The following CKAP2 variants were observed in gnomAD, a reference collection of about 807,000 sequenced individuals.
CKAP2 encodes the protein cytoskeleton-associated protein 2.
Under a neutral mutation model 58.4 loss-of-function variants are expected in CKAP2, and 46 were observed. The ratio of observed to expected loss-of-function variants is 0.79; its 90% CI spans 0.62 to 1.01. The LOEUF is 1.01. Among genes scored for constraint, CKAP2 ranks in the 50% least tolerant of loss-of-function variants. The pLI is 0.00. For missense variants in CKAP2, 809 were observed against 796.4 expected, an observed-to-expected ratio of 1.02 and a Z score of -0.19; for synonymous variants, 293 against 280.9, an observed-to-expected ratio of 1.04 and a Z score of -0.43.
At chr13:52,466,026 C>T (rs908719105) in intron 6 of CKAP2, among the ~76,000 whole-genome samples, 2 of 150,750 alleles carry the variant, frequency 1.3e-5, no homozygotes, top group African/African-American at 2.5e-5. Flanking sequence ...CATATATACA[C>T]ATATACACAT....
At chr13:52,467,787 C>T (rs1958701939) in intron 6 of CKAP2, among the ~76,000 whole-genome samples, 3 of 151,236 alleles carry the variant, frequency 2.0e-5, no homozygotes, top group African/African-American at 2.4e-5. Context: ...AGCCATTTTT[C>T]GTTTTTGGTT....
At chr13:52,459,423 A>G (rs1958536452) in intron 2 of CKAP2, among the ~76,000 whole-genome samples, 1 of 152,054 alleles carries the variant, frequency 6.6e-6, no homozygotes, top group Non-Finnish European at 1.5e-5. Flanking sequence ...CGTGGGTTCA[A>G]GCGATTCTCC....
At chr13:52,465,705 G>T (rs948367176) in intron 6 of CKAP2, 7 of 599,474 alleles carry the variant, frequency 1.2e-5, no homozygotes, top group Non-Finnish European at 1.9e-5. Flanking sequence ...TATATTTAAT[G>T]AAACTTTCTG....
At chr13:52,455,928 C>A in intron 1 of CKAP2, 1 of 1,159,196 alleles carries the variant, frequency 8.6e-7, no homozygotes, top group Non-Finnish European at 1.1e-6. Flanking sequence ...GTCGGAGACC[C>A]TGGGTCCGCT....
intron 2 of CKAP2, among the ~76,000 whole-genome samples, chr13:52,457,769 G>T (rs983173657): frequency 6.6e-6 from 1 of 152,056 alleles, no homozygotes; most frequent in Non-Finnish European, 1.5e-5. Flanking sequence ...CAGGAGAATC[G>T]CTTGAACCTG....
rs774165256 is a variant in CKAP2, at chr13:52,468,289, G to A, written c.1488G>A (p.Glu496=). Residue 496 remains glutamate, a synonymous_variant, in exon 7 of 9, where the codon GAG becomes GAA. Transcript: ENST00000258607. ...TTAAAAAAATTAAGCCTATTGAAGA[G>A]ATGCGACACACGATTGTAGATATTC... ...AILAGAQPIE[E]MRHTIVDILT... The A allele has an allele frequency of 6.3e-6, 10 of 1,595,598 alleles. No individual in the cohort carries two copies. In the Admixed American group the frequency reaches 1.7e-4, roughly 28 times the overall value.
Position 52,461,239 on chromosome 13 carries a change from G to A in CKAP2, c.413G>A (p.Ser138Asn). ...HLLLTEDDPQ[S>N]QHMTLSQAFH... is the part of the protein sequence containing the mutation. ...TTACTAACTGAAGATGATCCCCAAA[G>A]TCAACATATGACATTAAGCCAGGCA... The change falls in exon 4 of 9, where the codon AGT becomes AAT. Residue 138 changes from serine (S) to asparagine (N), a missense_variant. This residue lies in a region of CKAP2 where 523 missense variants were observed against 492.4 expected (regional missense o/e 1.06). Transcript: ENST00000258607. 6.2e-7 allele frequency: 1 copy of A among 1,613,752 alleles called. No individual in the cohort carries two copies. Among genetic ancestry groups the A allele is most frequent in the Admixed American group, 1.7e-5 (1 of 59,956 alleles).
At chr13:52,464,379 T>G (rs577504194) in intron 5 of CKAP2, among the ~76,000 whole-genome samples, 1 of 151,964 alleles carries the variant, frequency 6.6e-6, no homozygotes, top group South Asian at 2.1e-4. Context: ...ATGGTAAAAC[T>G]CTGTCTCTAC....
At chr13:52,472,680 A>G (rs1958776408) in intron 7 of CKAP2, among the ~76,000 whole-genome samples, 1 of 152,158 alleles carries the variant, frequency 6.6e-6, no homozygotes, top group African/African-American at 2.4e-5. Flanking sequence ...ATGACTCTTA[A>G]GAAATGTTGG....
intron 2 of CKAP2, 113 bp downstream of exon 2, chr13:52,456,720 A>C (rs1958488565): frequency 1.4e-6 from 1 of 737,320 alleles, no homozygotes; most frequent in Non-Finnish European, 2.3e-6. Flanking sequence ...CCACATTTAG[A>C]AAAACTGCTT....
chr13:52,475,151 A>C lies in CKAP2; in HGVS notation c.*10A>C. ...GGCTGATACAACATAAGAGAAATAA[A>C]GCTCTGTTAGGGAATGGGGTTTTTA... On this transcript the variant is annotated 3_prime_UTR_variant, in exon 9 of 9. Transcript: ENST00000258607. The C allele has an allele frequency of 6.2e-7, 1 of 1,609,982 alleles. No homozygotes were observed. Among genetic ancestry groups the C allele is most frequent in the Non-Finnish European group, 8.5e-7 (1 of 1,177,648 alleles).
chr13:52,472,452 G>T (rs763179374), intron 7 of CKAP2, among the ~76,000 whole-genome samples: 5 of 151,992 alleles, frequency 3.3e-5, no homozygotes, highest in Non-Finnish European at 7.4e-5. Flanking sequence ...ACTTCTCTTA[G>T]TAAAAATTTT....
intron 7 of CKAP2, among the ~76,000 whole-genome samples, chr13:52,470,178 T>C (rs1958742591): frequency 6.6e-6 from 1 of 151,760 alleles, no homozygotes; most frequent in Non-Finnish European, 1.5e-5. Flanking sequence ...CAATCTCGGC[T>C]CACTGCAACC....
At position 52,462,357 on chromosome 13, in the gene CKAP2, C is replaced by T. The variant is rs1479438265; in HGVS notation, c.1101-6C>T. On this transcript the variant is annotated splice_region_variant and splice_polypyrimidine_tract_variant and intron_variant, in intron 4 of 8. Coordinates refer to ENST00000258607, the MANE Select transcript of CKAP2 (RefSeq NM_018204.5). ...AAGTAACGTTTATATCTGCTTCTAA[C>T]TATAGAGCTCGTCTGAGTGAGTGGA... 1.2e-6 allele frequency: 2 copies of T among 1,612,260 alleles called. No individual in the cohort carries two copies. Among genetic ancestry groups the T allele is most frequent in the East Asian group, 2.2e-5 (1 of 44,856 alleles).
chr13:52,457,840 C>T (rs575114543), intron 2 of CKAP2, among the ~76,000 whole-genome samples: 11 of 144,464 alleles, frequency 7.6e-5, no homozygotes, highest in African/African-American at 2.5e-4. Flanking sequence ...GGTGACAGAG[C>T]GAGACTCCGT....
rs1182587750 is a variant in CKAP2, at chr13:52,473,910, C to A, written c.1628C>A (p.Pro543Gln). 6.2e-7 allele frequency: 1 copy of A among 1,613,758 alleles called. No homozygotes were observed. The highest frequency in any genetic ancestry group is 2.2e-5 in the East Asian group (1 of 44,820). The change falls in exon 8 of 9, where the codon CCA (proline) becomes CAA (glutamine). Residue 543 changes from proline to glutamine, a missense_variant. Pro to Gln is a moderately conservative substitution (Grantham distance 76, BLOSUM62 -1). Coordinates refer to ENST00000258607, the MANE Select transcript of CKAP2 (RefSeq NM_018204.5). ...SIEDTGVDVD[P>Q]EKLEMESKLH... The stretch of plus-strand genomic sequence containing the variant: ...GAAGATACAGGTGTTGATGTAGATC[C>A]AGAAAAACTGGAAATGGAGAGTAAA...
At chr13:52,458,751 G>A (rs1958525265) in intron 2 of CKAP2, among the ~76,000 whole-genome samples, 1 of 151,884 alleles carries the variant, frequency 6.6e-6, no homozygotes, top group African/African-American at 2.4e-5. Context: ...TAATTCCGGG[G>A]AGGGCCGAGG....
intron 7 of CKAP2, chr13:52,473,456 A>G (rs1958786230): frequency 5.8e-6 from 1 of 173,600 alleles, no homozygotes; most frequent in Admixed American, 5.6e-5. Context: ...TTAATAGATC[A>G]TTTTCTTTTA....
In CKAP2 at chr13:52,461,404, C is replaced by T; in HGVS notation, c.578C>T (p.Pro193Leu). 1 of 1,614,162 alleles carries T rather than the reference C, an allele frequency of 6.2e-7. No homozygotes were observed. The highest frequency in any genetic ancestry group is 8.5e-7 in the Non-Finnish European group (1 of 1,180,030). Reference protein sequence around the residue: ...VQSKINSFRKPLQVKDESSAA... With the variant: ...VQSKINSFRKLLQVKDESSAA... The stretch of plus-strand genomic sequence containing the variant: ...TCTAAGATTAATTCATTTAGAAAAC[C>T]TCTACAAGTCAAAGATGAGAGTTCT... Residue 193 changes from proline to leucine, a missense_variant, in exon 4 of 9, where the codon CCT becomes CTT. Transcript: ENST00000258607.
Sources: allele counts gnomAD v4.1 joint callset (sites outside exome capture counted in the v4.1 genomes callset), GRCh38; gene constraint gnomAD v4.1.1; regional missense constraint gnomAD v4.1.1; transcripts MANE v1.5; gene names NCBI Gene and HGNC (gene_info 2026-07-23, HGNC 2026-07-21).